The following YJU2B variants were observed in gnomAD, a reference collection of about 807,000 sequenced individuals.
YJU2B encodes the protein YJU2 splicing factor homolog B.
A neutral mutation model predicts 38.0 loss-of-function variants in YJU2B; 18 were observed. The observed-to-expected ratio is 0.47, with a 90% CI of 0.33 to 0.70. The LOEUF (loss-of-function observed/expected upper bound fraction) is 0.70, where lower values mean the gene tolerates loss of function less well. Among genes scored for constraint, YJU2B ranks in the 30% least tolerant of loss-of-function variants. The pLI, the probability that YJU2B is intolerant of heterozygous loss-of-function variation, is 0.02. For synonymous variants in YJU2B, 246 were observed against 225.4 expected (o/e 1.09, Z -0.82); for missense variants, 538 against 556.3 (o/e 0.97, Z 0.33).
At chr19:13,747,575 A>G (rs1449125148), upstream of YJU2B, among the ~76,000 whole-genome samples, 2 of 152,324 alleles carry the variant, frequency 1.3e-5, no homozygotes, top group African/African-American at 2.4e-5. Flanking sequence ...GGTTCAAGCA[A>G]TTCTTTTGCC....
intron 3 of YJU2B, among the ~76,000 whole-genome samples, chr19:13,755,967 A>T (rs908844379): frequency 1.3e-5 from 2 of 152,116 alleles, no homozygotes; most frequent in Non-Finnish European, 2.9e-5. Context: ...TCAAAAAATA[A>T]ATAAATAAAT....
intron 8 of YJU2B, 140 bp downstream of exon 8, chr19:13,759,412 A>G: frequency 1.5e-6 from 1 of 658,646 alleles, no homozygotes; most frequent in Non-Finnish European, 2.6e-6. Flanking sequence ...CTACATGGTG[A>G]CCATGCCCTG....
At chr19:13,749,788 A>G (rs1973388286) in intron 1 of YJU2B, among the ~76,000 whole-genome samples, 1 of 151,592 alleles carries the variant, frequency 6.6e-6, no homozygotes, top group Admixed American at 6.6e-5. Context: ...ACCCGCCACC[A>G]CGCCCAGCTA....
chr19:13,753,574 C>CAAAAAA (rs34397712), intron 2 of YJU2B, among the ~76,000 whole-genome samples: 35 of 71,872 alleles, frequency 4.9e-4, no homozygotes, highest in African/African-American at 2.0e-3. Flanking sequence ...AACTCTGTCT[C>CAAAAAA]AAAAAAAAAA....
At chr19:13,757,527 G>A in intron 5 of YJU2B, 54 bp downstream of exon 5, 1 of 1,485,078 alleles carries the variant, frequency 6.7e-7, no homozygotes, top group Non-Finnish European at 9.4e-7. Context: ...CCCCCTAACT[G>A]CTGGATGCCG....
intron 1 of YJU2B, among the ~76,000 whole-genome samples, chr19:13,749,562 C>T (rs1973375792): frequency 6.6e-6 from 1 of 151,968 alleles, no homozygotes; most frequent in Non-Finnish European, 1.5e-5. Flanking sequence ...AGAAACTTTG[C>T]CAATCTCTGT....
chr19:13,741,603 G>A (rs920257304), intron 2 of YJU2B, among the ~76,000 whole-genome samples: 4 of 151,116 alleles, frequency 2.6e-5, no homozygotes, highest in Non-Finnish European at 5.9e-5. Context: ...AATTAGCTAG[G>A]CATGGTGCCT....
chr19:13,756,475 A>AAT, intron 4 of YJU2B, among the ~76,000 whole-genome samples, 196 bp downstream of exon 4: 1 of 152,298 alleles, frequency 6.6e-6, no homozygotes, highest in South Asian at 2.1e-4. Flanking sequence ...AGCTCAGCAA[A>AAT]ATATCTCTGC....
intron 8 of YJU2B, among the ~76,000 whole-genome samples, chr19:13,761,096 T>G (rs1261177053): frequency 6.6e-6 from 1 of 151,940 alleles, no homozygotes; most frequent in Non-Finnish European, 1.5e-5. Flanking sequence ...ATGGAACCTC[T>G]TGGCTGGGCG....
At chr19:13,745,159 G>A (rs928439723), upstream of YJU2B, among the ~76,000 whole-genome samples, 1 of 152,144 alleles carries the variant, frequency 6.6e-6, no homozygotes, top group Non-Finnish European at 1.5e-5. Context: ...CTCTGGGCCT[G>A]TCTCACCATC....
chr19:13,762,462 G>A (rs1973929933), intron 9 of YJU2B, 25 bp downstream of exon 9: 1 of 1,608,996 alleles, frequency 6.2e-7, no homozygotes, highest in Non-Finnish European at 8.5e-7. Context: ...AGGGGGAAAA[G>A]GGGACAGGGA....
At chr19:13,751,933 T>C in intron 2 of YJU2B, 122 bp downstream of exon 2, 1 of 941,596 alleles carries the variant, frequency 1.1e-6, no homozygotes, top group East Asian at 2.5e-5. Context: ...TCATCATCTT[T>C]TGGTGCAGTG....
intron 2 of YJU2B, among the ~76,000 whole-genome samples, chr19:13,738,415 T>G (rs1374740330): frequency 6.6e-6 from 1 of 152,208 alleles, no homozygotes; most frequent in Non-Finnish European, 1.5e-5. Flanking sequence ...CTCTTTTGAC[T>G]GACTGCTTAC....
intron 8 of YJU2B, among the ~76,000 whole-genome samples, chr19:13,759,918 C>G (rs548948774): frequency 6.6e-6 from 1 of 152,106 alleles, no homozygotes; most frequent in South Asian, 2.1e-4. Flanking sequence ...CTGCCTCAGC[C>G]TCCTGAGTAG....
intron 1 of YJU2B, among the ~76,000 whole-genome samples, chr19:13,750,857 C>CAAA (rs908775840): frequency 5.3e-4 from 33 of 61,904 alleles, no homozygotes; most frequent in South Asian, 1.8e-3. Flanking sequence ...GACTCCGTCT[C>CAAA]AAAAAAAAAA....
At chr19:13,752,976 C>T (rs1973527194) in intron 2 of YJU2B, among the ~76,000 whole-genome samples, 1 of 152,118 alleles carries the variant, frequency 6.6e-6, no homozygotes, top group South Asian at 2.1e-4. Flanking sequence ...TTCTTGAGAC[C>T]TGTGTTCAAC....
At chr19:13,732,840 C>T (rs1972853718) in intron 2 of YJU2B, among the ~76,000 whole-genome samples, 1 of 152,006 alleles carries the variant, frequency 6.6e-6, no homozygotes, top group South Asian at 2.1e-4. Context: ...AACTCCTGAC[C>T]TCAAGTGATC....
Position 13,759,139 on chromosome 19 carries a change from T to C in YJU2B, c.440T>C (p.Phe147Ser), listed in dbSNP as rs1016170194. Residue 147 changes from phenylalanine (F) to serine (S), a missense_variant, in exon 8 of 10, where the codon TTC becomes TCC. Physicochemically the swap from Phe to Ser is radical, Grantham distance 155. Around this residue, in one of 2 missense-constraint regions of YJU2B, gnomAD observed 488 missense variants for 469.5 expected, o/e 1.04. Transcript: ENST00000221554. ...KKQKLETDAM[F>S]RLEHGEADRS... is the part of the protein sequence containing the mutation. ...CAGAAGCTGGAGACGGACGCCATGT[T>C]CCGGCTGGAGCATGGCGAGGCCGAC... 1.9e-6 allele frequency: 3 copies of C among 1,613,794 alleles called. No homozygotes were observed. The East Asian group carries it at 6.7e-5, about 36-fold the overall frequency.
chr19:13,757,972 GA>G, intron 6 of YJU2B, 126 bp downstream of exon 6: 1 of 783,294 alleles, frequency 1.3e-6, no homozygotes, highest in East Asian at 2.5e-5. Flanking sequence ...CCTGGTTGGT[GA>G]ATCAGGGCAC....
Sources: allele counts gnomAD v4.1 joint callset (sites outside exome capture counted in the v4.1 genomes callset), GRCh38; gene constraint gnomAD v4.1.1; regional missense constraint gnomAD v4.1.1; transcripts MANE v1.5; gene names NCBI Gene and HGNC (gene_info 2026-07-23, HGNC 2026-07-21).